Variants in OXCT1 observed in about 807,000 individuals in gnomAD.
OXCT1 encodes 3-oxoacid CoA-transferase 1, also known as succinyl-CoA:3-ketoacid coenzyme A transferase 1, mitochondrial.
A neutral mutation model predicts 69.6 loss-of-function variants in OXCT1; 27 were observed. The ratio of observed to expected loss-of-function variants is 0.39; its 90% confidence interval spans 0.29 to 0.54. The LOEUF (loss-of-function observed/expected upper bound fraction) is 0.54, where lower values mean the gene tolerates loss of function less well. Ranked by LOEUF, OXCT1 falls within the 20% of genes least tolerant of loss-of-function variation. The pLI is 0.72. For synonymous variants in OXCT1, 202 were observed against 217.8 expected (o/e 0.93, Z 0.64); for missense variants, 437 against 650.2 (o/e 0.67, Z 3.57).
chr5:41,751,458 C>A (rs893016368), intron 14 of OXCT1, among the ~76,000 whole-genome samples: 1 of 152,112 alleles, frequency 6.6e-6, no homozygotes, highest in Non-Finnish European at 1.5e-5. Flanking sequence ...TGCATACACA[C>A]TATAGCATAG....
At chr5:41,747,993 C>T (rs1743588092) in intron 15 of OXCT1, among the ~76,000 whole-genome samples, 1 of 152,042 alleles carries the variant, frequency 6.6e-6, no homozygotes, top group South Asian at 2.1e-4. Context: ...TCCATGTTGT[C>T]CTTTAGGACA....
intron 7 of OXCT1, among the ~76,000 whole-genome samples, chr5:41,835,632 T>C (rs1053372386): frequency 2.6e-5 from 4 of 152,350 alleles, no homozygotes; most frequent in Non-Finnish European, 4.4e-5. Flanking sequence ...ACAATAAAAG[T>C]AATTATATTT....
At chr5:41,860,332 A>C (rs950203719) in intron 3 of OXCT1, among the ~76,000 whole-genome samples, 3 of 152,206 alleles carry the variant, frequency 2.0e-5, no homozygotes, top group Non-Finnish European at 4.4e-5. Flanking sequence ...ATCAAAGATA[A>C]GTAAAATTCA....
intron 8 of OXCT1, among the ~76,000 whole-genome samples, chr5:41,806,857 C>T (rs1005246855): frequency 6.6e-6 from 1 of 152,048 alleles, no homozygotes; most frequent in Non-Finnish European, 1.5e-5. Context: ...ACCTACACTC[C>T]TTGCCACAAT....
intron 1 of OXCT1, among the ~76,000 whole-genome samples, chr5:41,868,095 C>G (rs561025413): frequency 5.1e-4 from 78 of 152,308 alleles, no homozygotes; most frequent in Admixed American, 1.5e-3. Flanking sequence ...TAGAAAACCT[C>G]CAGGTAATGC....
chr5:41,776,376 G>A (rs1251315971), intron 13 of OXCT1, among the ~76,000 whole-genome samples: 8 of 152,176 alleles, frequency 5.3e-5, no homozygotes, highest in Admixed American at 1.3e-4. Context: ...TACTATCTCT[G>A]TAGCTTTTCT....
At chr5:41,734,094 T>C (rs1742770757) in intron 16 of OXCT1, among the ~76,000 whole-genome samples, 1 of 152,220 alleles carries the variant, frequency 6.6e-6, no homozygotes, top group African/African-American at 2.4e-5. Context: ...CTTTTACTAG[T>C]TTTTTATTTG....
rs185656708 is a variant in OXCT1 at position 41,815,732 on chromosome 5, C to T, written c.733-8294G>A. ...TAGTTTTTAAAAATTACACCATTAT[C>T]ATATACCCCAAGGAAAACAGGGAGA... On this transcript the variant is annotated intron_variant, in intron 7 of 16. Coordinates refer to ENST00000196371, the MANE Select transcript of OXCT1 (RefSeq NM_000436.4). Among the ~76,000 whole-genome samples the T allele has an allele frequency of 5.2e-3, 788 of 152,188 alleles. 7 individuals carry two copies. The highest frequency in any genetic ancestry group is 0.018 in the African/African-American group (743 of 41,530).
At chr5:41,849,321 A>G (rs1236078972) in intron 5 of OXCT1, among the ~76,000 whole-genome samples, 1 of 152,202 alleles carries the variant, frequency 6.6e-6, no homozygotes, top group Non-Finnish European at 1.5e-5. Flanking sequence ...AACCTGTGTT[A>G]ACTTTCTTCG....
chr5:41,800,999 G>C (rs370207766), intron 11 of OXCT1, 23 bp downstream of exon 11: 2 of 1,601,030 alleles, frequency 1.2e-6, no homozygotes, highest in Non-Finnish European at 8.6e-7. Context: ...GCAAAGGGAA[G>C]GGCTAGAAAT....
chr5:41,752,431 C>T (rs1164250180), intron 14 of OXCT1, among the ~76,000 whole-genome samples: 1 of 151,922 alleles, frequency 6.6e-6, no homozygotes, highest in Non-Finnish European at 1.5e-5. Context: ...TCAGAAAAGG[C>T]AGAGAAATAG....
intron 13 of OXCT1, among the ~76,000 whole-genome samples, chr5:41,787,825 C>A (rs1561076549): frequency 6.6e-6 from 1 of 151,818 alleles, no homozygotes; most frequent in Non-Finnish European, 1.5e-5. Flanking sequence ...AATCTTAACA[C>A]AGCTTAAAAG....
chr5:41,870,322 G>A lies in OXCT1; in HGVS notation c.37C>T (p.Leu13Phe), dbSNP rs1377966527. The change falls in exon 1 of 17, where the codon CTC (leucine) becomes TTC (phenylalanine). Residue 13 changes from leucine to phenylalanine, a missense_variant. This residue lies in a region of OXCT1 where 79 missense variants were observed against 61.5 expected (regional missense o/e 1.28). Coordinates refer to ENST00000196371, the MANE Select transcript of OXCT1 (RefSeq NM_000436.4). This position sits in a 1 kb window ranked among gnomAD's most constrained non-coding sequence, Gnocchi z 4.2. ...ALKLLSSGLR[L>F]CASARGSGAT... ...CCAGATCCGCGGGCAGAGGCGCAGA[G>A]CCGAAGCCCGGAGGAGAGGAGTTTG... 6.2e-7 allele frequency: 1 copy of A among 1,613,976 alleles called. No homozygotes were observed. The highest frequency in any genetic ancestry group is 1.7e-5 in the Admixed American group (1 of 60,024).
chr5:41,746,092 A>C (rs1743472532), intron 15 of OXCT1, among the ~76,000 whole-genome samples: 1 of 152,162 alleles, frequency 6.6e-6, no homozygotes, highest in Non-Finnish European at 1.5e-5. Context: ...GCAGAGACAC[A>C]ACAAAAAAAG....
At chr5:41,808,494 C>T (rs1423357524) in intron 7 of OXCT1, among the ~76,000 whole-genome samples, 1 of 152,080 alleles carries the variant, frequency 6.6e-6, no homozygotes, top group Non-Finnish European at 1.5e-5. Flanking sequence ...TTACAGAAGA[C>T]ATTTTACTTA....
chr5:41,738,046 C>T (rs1399823083), intron 16 of OXCT1, among the ~76,000 whole-genome samples: 1 of 151,934 alleles, frequency 6.6e-6, no homozygotes, highest in Non-Finnish European at 1.5e-5. Flanking sequence ...CAGAACAAGA[C>T]TCCGTCTTAA....
chr5:41,780,806 G>C (rs1745359013), intron 13 of OXCT1, among the ~76,000 whole-genome samples: 1 of 152,094 alleles, frequency 6.6e-6, no homozygotes, highest in Non-Finnish European at 1.5e-5. Flanking sequence ...CCATGTTCCT[G>C]GACAGGATGA....
chr5:41,735,343 C>T (rs1742835179), intron 16 of OXCT1, among the ~76,000 whole-genome samples: 2 of 152,062 alleles, frequency 1.3e-5, no homozygotes, highest in African/African-American at 4.8e-5. Context: ...ATAAGCCAGT[C>T]ACAAAAGGGC....
At chr5:41,734,802 A>T (rs1451543209) in intron 16 of OXCT1, among the ~76,000 whole-genome samples, 1 of 152,248 alleles carries the variant, frequency 6.6e-6, no homozygotes. Context: ...TGAAATGGAA[A>T]AGAACATTCA....
Sources: gnomAD v4.1 joint callset for allele counts (sites outside exome capture counted in the v4.1 genomes callset) on GRCh38, gnomAD v4.1.1 for gene constraint, gnomAD v4.1.1 regional missense constraint, Gnocchi (gnomAD v3.1) non-coding constraint, MANE v1.5 for transcripts, NCBI Gene and HGNC (gene_info 2026-07-23, HGNC 2026-07-21) for gene names.